Variants in NIP7 observed in about 807,000 individuals in gnomAD.
The protein encoded by NIP7 is nucleolar pre-rRNA processing protein NIP7.
A neutral mutation model predicts 20.1 loss-of-function variants in NIP7; 12 were observed. That is an observed-to-expected ratio of 0.60 (90% CI 0.38 to 0.97). The LOEUF (loss-of-function observed/expected upper bound fraction) is 0.97, where lower values mean the gene tolerates loss of function less well. Ranked by LOEUF, NIP7 falls within the 50% of genes least tolerant of loss-of-function variation. The pLI is 0.00. For synonymous variants in NIP7, 103 were observed against 87.2 expected (o/e 1.18, Z -1.01); for missense variants, 226 against 226.6 (o/e 1.00, Z 0.02).
chr16:69,341,149 TTA>T (rs759516827), intron 3 of NIP7, 29 bp from the exon 4 acceptor site: 1 of 1,592,820 alleles, frequency 6.3e-7, no homozygotes, highest in African/African-American at 1.4e-5. Context: ...AGTAACGTTT[TTA>T]TGTCTCTTGG....
At position 69,342,843 on chromosome 16, in the gene NIP7, C is replaced by T. The variant is rs1447496026; in HGVS notation, c.*1191C>T. Reference sequence around the variant, plus strand: ...TTATAAAACAATTTTTTCTATGAACCTTTACTTACTTGACTGGATTGGACT... The same window carrying T: ...TTATAAAACAATTTTTTCTATGAACTTTTACTTACTTGACTGGATTGGACT... On this transcript the variant is annotated 3_prime_UTR_variant, in exon 5 of 5. Coordinates refer to ENST00000254940, the MANE Select transcript of NIP7 (RefSeq NM_016101.5). 1 of 151,910 alleles carries T rather than the reference C, an allele frequency of 6.6e-6. No homozygotes were observed. The highest frequency in any genetic ancestry group is 1.5e-5 in the Non-Finnish European group (1 of 68,000). The allele number at this position is 151,910 out of a possible 1,614,324, so 9.4% of individuals were successfully genotyped here. A position where few individuals can be genotyped will look rare whatever the true frequency, so the allele number is the denominator to read the frequency against.
rs145767977 is a variant in NIP7, at chr16:69,341,296, G to A, written c.399G>A (p.Val133=). ...ENTSQYQGVV[V]YSMADIPLGF... ...CTTCTCAGTACCAGGGCGTGGTGGTGTACTCCATGGCAGACATCCCTTTGG... is the reference window on the plus strand; with the variant it reads ...CTTCTCAGTACCAGGGCGTGGTGGTATACTCCATGGCAGACATCCCTTTGG... The change falls in exon 4 of 5, where the codon GTG becomes GTA. Residue 133 remains valine (V), a synonymous_variant. Transcript: ENST00000254940. The A allele has an allele frequency of 1.2e-6, 2 of 1,614,106 alleles. No individual in the cohort carries two copies. Among genetic ancestry groups the A allele is most frequent in the African/African-American group, 1.3e-5 (1 of 75,034 alleles).
chr16:69,341,879 T>C lies in NIP7; in HGVS notation c.*227T>C, dbSNP rs113242511. 0.012 allele frequency: 4,782 copies of C among 399,812 alleles called. 51 individuals carry two copies. Among genetic ancestry groups the C allele is most frequent in the Middle Eastern group, 0.021 (30 of 1,456 alleles). The allele number at this position is 399,812 out of a possible 1,614,324, so 24.8% of individuals were successfully genotyped here. On this transcript the variant is annotated 3_prime_UTR_variant, in exon 5 of 5. Coordinates refer to ENST00000254940, the MANE Select transcript of NIP7 (RefSeq NM_016101.5). The stretch of plus-strand genomic sequence containing the variant: ...ATCTTTGTGACGAAATAGAATACTG[T>C]TTCATATTTGAATCAGAGGGCTTCT...
chr16:69,341,495 G>A (rs960609305), intron 4 of NIP7, 38 bp from the exon 5 acceptor site: 2 of 1,609,246 alleles, frequency 1.2e-6, no homozygotes, highest in Non-Finnish European at 1.7e-6. Context: ...CATATTGAAT[G>A]ACTTCAGTGA....
At chr16:69,341,375 A>G (rs774780279) in intron 4 of NIP7, 55 bp downstream of exon 4, 120 of 1,596,292 alleles carry the variant, frequency 7.5e-5, no homozygotes, top group Non-Finnish European at 1.0e-4. Context: ...CAAGAAGGGT[A>G]TGTCTTCAAT....
intron 1 of NIP7, 30 bp downstream of exon 1, chr16:69,339,915 G>T: frequency 6.2e-7 from 1 of 1,613,418 alleles, no homozygotes; most frequent in Non-Finnish European, 8.5e-7. Context: ...ACGCGGGAGT[G>T]TGTGGGTGTG....
intron 3 of NIP7, 62 bp downstream of exon 3, chr16:69,340,394 C>A: frequency 6.3e-7 from 1 of 1,578,800 alleles, no homozygotes; most frequent in Non-Finnish European, 8.6e-7. Context: ...GCAGATTGTC[C>A]GGCAGCTTCT....
chr16:69,340,899 G>A (rs1466132481), intron 3 of NIP7: 1 of 290,202 alleles, frequency 3.4e-6, no homozygotes, highest in Non-Finnish European at 6.6e-6. Context: ...TTTTAGTAGA[G>A]ACAGTGTTTC....
In NIP7 at chr16:69,339,963, C is replaced by T. The variant is rs756253550; in HGVS notation, c.57-43C>T. On this transcript the variant is annotated intron_variant, in intron 1 of 4. Coordinates refer to ENST00000254940, the MANE Select transcript of NIP7 (RefSeq NM_016101.5). The stretch of plus-strand genomic sequence containing the variant: ...GGAGTGGGGGCGCGGTGCCGGAGAC[C>T]GGTTCGTTCGGGCGCGGTCTCCAGT... 5 of 1,613,012 alleles carry T rather than the reference C, an allele frequency of 3.1e-6. No homozygotes were observed. The East Asian group carries it at 1.1e-4, about 36-fold the overall frequency.
chr16:69,341,275 T>A lies in NIP7; in HGVS notation c.378T>A (p.Ser126=). The change falls in exon 4 of 5, where the codon TCT becomes TCA. Residue 126 remains serine (S), a synonymous_variant. Transcript: ENST00000254940. The part of the protein sequence containing the change: ...SGLGRITENT[S]QYQGVVVYSM... ...TGGGTCGAATCACTGAAAATACTTC[T>A]CAGTACCAGGGCGTGGTGGTGTACT... 6.2e-7 allele frequency: 1 copy of A among 1,614,150 alleles called. No homozygotes were observed. The highest frequency in any genetic ancestry group is 8.5e-7 in the Non-Finnish European group (1 of 1,180,018).
intron 2 of NIP7, 48 bp from the exon 3 acceptor site, chr16:69,340,146 C>T (rs928271807): frequency 2.0e-5 from 32 of 1,613,406 alleles, no homozygotes; most frequent in East Asian, 4.5e-5. Context: ...GTCCTGGGTC[C>T]CACGAGCCTC....
rs2012605338 is a variant in NIP7 at position 69,343,037 on chromosome 16, T to G, written c.*1385T>G. 1 of 165,648 alleles carries G rather than the reference T, an allele frequency of 6.0e-6. No homozygotes were observed. Among genetic ancestry groups the G allele is most frequent in the South Asian group, 1.8e-4 (1 of 5,474 alleles). The allele number at this position is 165,648 out of a possible 1,614,324, so 10.3% of individuals were successfully genotyped here. ...TAAACTATTTCTTTAATGAATATAT[T>G]GCTTATTTTAAGTTCCAAAGGTGAA... On this transcript the variant is annotated 3_prime_UTR_variant, in exon 5 of 5. Transcript: ENST00000254940.
chr16:69,341,710 G>A lies in NIP7; in HGVS notation c.*58G>A. On this transcript the variant is annotated 3_prime_UTR_variant, in exon 5 of 5. Coordinates refer to ENST00000254940, the MANE Select transcript of NIP7 (RefSeq NM_016101.5). The stretch of plus-strand genomic sequence containing the variant: ...GGAAAGGCCGAGCTTTGTTTCCTGT[G>A]TTTGTGTGGACTCCACCATCATGTT... 1.2e-6 allele frequency: 2 copies of A among 1,604,208 alleles called. No individual in the cohort carries two copies. Among genetic ancestry groups the A allele is most frequent in the Non-Finnish European group, 8.5e-7 (1 of 1,173,456 alleles).
intron 4 of NIP7, 89 bp from the exon 5 acceptor site, chr16:69,341,418 TTTTGAATCCCAGAAAGACCAGAACTG>T: frequency 5.7e-6 from 9 of 1,571,316 alleles, no homozygotes; most frequent in Non-Finnish European, 7.8e-6. Context: ...TCTCAGCACG[TTTTGAATCCCAGAAAGACCAGAACTG>T]TATTTTTTCC....
rs2012562764 is a variant in NIP7, at chr16:69,341,731, A to G, written c.*79A>G. The stretch of plus-strand genomic sequence containing the variant: ...CTGTGTTTGTGTGGACTCCACCATC[A>G]TGTTGAATTTTGTCAACACTCTGGC... On this transcript the variant is annotated 3_prime_UTR_variant, in exon 5 of 5. Coordinates refer to ENST00000254940, the MANE Select transcript of NIP7 (RefSeq NM_016101.5). 2 of 1,570,554 alleles carry G rather than the reference A, an allele frequency of 1.3e-6. No homozygotes were observed. The highest frequency in any genetic ancestry group is 1.4e-5 in the African/African-American group (1 of 73,654).
At chr16:69,341,440 A>G (rs2012548728) in intron 4 of NIP7, 93 bp from the exon 5 acceptor site, 17 of 1,583,608 alleles carry the variant, frequency 1.1e-5, no homozygotes, top group Non-Finnish European at 1.5e-5. Context: ...GAAAGACCAG[A>G]ACTGTATTTT....
At chr16:69,340,673 ACT>A (rs908867729) in intron 3 of NIP7, 1 of 285,568 alleles carries the variant, frequency 3.5e-6, no homozygotes, top group African/African-American at 2.2e-5. Flanking sequence ...TGAGAAAATA[ACT>A]TTTTCTATTT....
In NIP7 at chr16:69,341,733, G is replaced by A. The variant is rs1597229636; in HGVS notation, c.*81G>A. Reference sequence around the variant, plus strand: ...GTGTTTGTGTGGACTCCACCATCATGTTGAATTTTGTCAACACTCTGGCCT... The same window carrying A: ...GTGTTTGTGTGGACTCCACCATCATATTGAATTTTGTCAACACTCTGGCCT... On this transcript the variant is annotated 3_prime_UTR_variant, in exon 5 of 5. Coordinates refer to ENST00000254940, the MANE Select transcript of NIP7 (RefSeq NM_016101.5). 1 of 1,560,864 alleles carries A rather than the reference G, an allele frequency of 6.4e-7. No individual in the cohort carries two copies. Among genetic ancestry groups the A allele is most frequent in the Non-Finnish European group, 8.7e-7 (1 of 1,143,564 alleles).
chr16:69,340,448 CATGGAGATGTGT>C lies in NIP7; in HGVS notation c.282+118_282+129del. 2.3e-6 allele frequency: 3 copies of C among 1,297,268 alleles called. No homozygotes were observed. In the South Asian group the frequency reaches 4.0e-5, roughly 17 times the overall value. The allele number at this position is 1,297,268 out of a possible 1,614,324, so 80.4% of individuals were successfully genotyped here. ...CAGTGTGCTTGGAGGAGTTTCAGCACATGGAGATGTGTAGAGGTCTTGCAGCTTGAGCATGGT... is the reference window on the plus strand; with the variant it reads ...CAGTGTGCTTGGAGGAGTTTCAGCACAGAGGTCTTGCAGCTTGAGCATGGT... On this transcript the variant is annotated intron_variant, in intron 3 of 4. Coordinates refer to ENST00000254940, the MANE Select transcript of NIP7 (RefSeq NM_016101.5).
Sources: allele counts gnomAD v4.1 joint callset, GRCh38; gene constraint gnomAD v4.1.1; transcripts MANE v1.5; gene names NCBI Gene and HGNC (gene_info 2026-07-23, HGNC 2026-07-21).